RPRD1B: variants seen among roughly 807,000 people sequenced by gnomAD.
RPRD1B encodes regulation of nuclear pre-mRNA domain containing 1B.
Under a neutral mutation model 41.5 loss-of-function variants are expected in RPRD1B, and 11 were observed. The ratio of observed to expected loss-of-function variants is 0.27; its 90% CI spans 0.17 to 0.44. RPRD1B has a LOEUF of 0.44. Among genes scored for constraint, RPRD1B ranks in the 20% least tolerant of loss-of-function variants. The pLI, the probability that RPRD1B is intolerant of heterozygous loss-of-function variation, is 1.00. For synonymous variants in RPRD1B, 158 were observed against 155.6 expected (o/e 1.02, Z -0.12); for missense variants, 248 against 389.9 (o/e 0.64, Z 3.06).
At chr20:38,066,388 C>T in intron 6 of RPRD1B, 132 bp downstream of exon 6, 1 of 838,472 alleles carries the variant, frequency 1.2e-6, no homozygotes, top group Non-Finnish European at 1.8e-6. Context: ...TCTGAACATC[C>T]ATCAGATACT....
intron 6 of RPRD1B, among the ~76,000 whole-genome samples, chr20:38,082,683 G>A (rs1388423095): frequency 3.3e-5 from 5 of 152,160 alleles, no homozygotes; most frequent in Admixed American, 2.0e-4. Context: ...CACCACGCCC[G>A]GCCTGAACTT....
chr20:38,055,768 GCACAGCGAAGCAC>G (rs2074233903), intron 3 of RPRD1B, among the ~76,000 whole-genome samples: 1 of 152,206 alleles, frequency 6.6e-6, no homozygotes, highest in South Asian at 2.1e-4. Flanking sequence ...TAAGGAGACA[GCACAGCGAAGCAC>G]TTTGCTGTCT....
At chr20:38,069,093 T>C (rs2074386426) in intron 6 of RPRD1B, among the ~76,000 whole-genome samples, 1 of 152,210 alleles carries the variant, frequency 6.6e-6, no homozygotes, top group African/African-American at 2.4e-5. Context: ...AGCTCTAATA[T>C]ACTTAGGTTT....
intron 1 of RPRD1B, among the ~76,000 whole-genome samples, chr20:38,039,203 A>G (rs150684102): frequency 6.6e-6 from 1 of 152,314 alleles, no homozygotes; most frequent in East Asian, 1.9e-4. Flanking sequence ...TATAAATAAG[A>G]GAGAATTATG....
At chr20:38,072,233 T>C (rs1382054976) in intron 6 of RPRD1B, among the ~76,000 whole-genome samples, 1 of 152,232 alleles carries the variant, frequency 6.6e-6, no homozygotes, top group Non-Finnish European at 1.5e-5. Context: ...TTCTTTTGCC[T>C]GTAGATATCC....
intron 6 of RPRD1B, among the ~76,000 whole-genome samples, chr20:38,077,596 G>A (rs557175640): frequency 6.6e-6 from 1 of 152,234 alleles, no homozygotes; most frequent in Non-Finnish European, 1.5e-5. Context: ...CCATAGCTGA[G>A]TAGGTGCTAC....
chr20:38,079,757 G>A (rs2074496669), intron 6 of RPRD1B, among the ~76,000 whole-genome samples: 1 of 152,184 alleles, frequency 6.6e-6, no homozygotes, highest in African/African-American at 2.4e-5. Flanking sequence ...GGATTGCTGG[G>A]TTGAATGGTT....
intron 6 of RPRD1B, among the ~76,000 whole-genome samples, chr20:38,078,770 G>A (rs1414910018): frequency 6.6e-6 from 1 of 152,092 alleles, no homozygotes; most frequent in African/African-American, 2.4e-5. Context: ...TGGACTGACT[G>A]GACTATGGTA....
chr20:38,073,981 C>T (rs971241058), intron 6 of RPRD1B, among the ~76,000 whole-genome samples: 1 of 152,192 alleles, frequency 6.6e-6, no homozygotes, highest in African/African-American at 2.4e-5. Flanking sequence ...CCTCCCTAGG[C>T]TGGCAGCTCT....
At chr20:38,034,398 A>G (rs891651086) in intron 1 of RPRD1B, among the ~76,000 whole-genome samples, 5 of 152,106 alleles carry the variant, frequency 3.3e-5, no homozygotes, top group African/African-American at 1.2e-4. Flanking sequence ...GGCTGCATTC[A>G]CTGCCGTACT....
chr20:38,051,812 C>T lies in RPRD1B; in HGVS notation c.415+3331C>T, dbSNP rs568927827. Among the ~76,000 whole-genome samples, 171 of 152,196 alleles carry T rather than the reference C, an allele frequency of 1.1e-3. 1 individual carries two copies. The Middle Eastern group carries it at 0.017, about 15-fold the overall frequency. Reference sequence around the variant, plus strand: ...TGTCGCCCAGGCTGGAGTGCAATGGCGGGACCTCGGCTCACCGCAACCTCT... The same window carrying T: ...TGTCGCCCAGGCTGGAGTGCAATGGTGGGACCTCGGCTCACCGCAACCTCT... On this transcript the variant is annotated intron_variant, in intron 3 of 6. Coordinates refer to ENST00000373433, the MANE Select transcript of RPRD1B (RefSeq NM_021215.4).
chr20:38,035,526 C>T (rs2073993197), intron 1 of RPRD1B, among the ~76,000 whole-genome samples: 1 of 152,174 alleles, frequency 6.6e-6, no homozygotes. Context: ...CCAGTTCTAG[C>T]CCTTTAGCAG....
In RPRD1B at chr20:38,057,605, C is replaced by T; in HGVS notation, c.489C>T (p.Gly163=). The change falls in exon 4 of 7, where the codon GGC becomes GGT. Residue 163 remains glycine, a synonymous_variant. Transcript: ENST00000373433. ...AGGAGGAGGATGACGACTACCCTGG[C>T]AGCTACTCTCCTCAGGATCCTTCTG... is the stretch of plus-strand genomic sequence containing the variant. The part of the protein sequence containing the change: ...IQEEEDDDYP[G]SYSPQDPSAG... The T allele has an allele frequency of 6.2e-7, 1 of 1,614,092 alleles. No individual in the cohort carries two copies. The highest frequency in any genetic ancestry group is 8.5e-7 in the Non-Finnish European group (1 of 1,179,934).
At chr20:38,046,530 G>A (rs1416496468) in intron 2 of RPRD1B, among the ~76,000 whole-genome samples, 1 of 152,194 alleles carries the variant, frequency 6.6e-6, no homozygotes, top group African/African-American at 2.4e-5. Context: ...TGAATATACA[G>A]CATACCAGAA....
Position 38,090,063 on chromosome 20 carries a change from G to A in RPRD1B, c.*188G>A, listed in dbSNP as rs1311479905. The A allele has an allele frequency of 3.8e-5, 51 of 1,326,416 alleles. 1 individual carries two copies. The South Asian group carries it at 1.1e-3, about 28-fold the overall frequency. 82.2% of individuals were successfully genotyped at this position (1,326,416 alleles called of 1,614,324 possible). A position where few individuals can be genotyped will look rare whatever the true frequency, so the allele number is the denominator to read the frequency against. On this transcript the variant is annotated 3_prime_UTR_variant, in exon 7 of 7. Coordinates refer to ENST00000373433, the MANE Select transcript of RPRD1B (RefSeq NM_021215.4). ...CTTGAGCACAGTTCAGAACAGTGGCGACTGGAATCTGGTTTATATTCATAT... is the reference window on the plus strand; with the variant it reads ...CTTGAGCACAGTTCAGAACAGTGGCAACTGGAATCTGGTTTATATTCATAT...
chr20:38,082,229 A>G (rs796411044), intron 6 of RPRD1B, among the ~76,000 whole-genome samples: 36 of 152,052 alleles, frequency 2.4e-4, no homozygotes, highest in African/African-American at 6.0e-4. Flanking sequence ...TACTGATTCA[A>G]TTTTGGAACT....
intron 6 of RPRD1B, among the ~76,000 whole-genome samples, chr20:38,088,853 G>A (rs191543304): frequency 1.2e-4 from 18 of 152,318 alleles, no homozygotes; most frequent in Non-Finnish European, 1.3e-4. Flanking sequence ...TGCAGAGCAA[G>A]GATTTTCCTA....
At chr20:38,043,693 A>C (rs541764217) in intron 2 of RPRD1B, among the ~76,000 whole-genome samples, 1 of 152,302 alleles carries the variant, frequency 6.6e-6, no homozygotes, top group East Asian at 1.9e-4. Context: ...CCACCTCTCC[A>C]GTGTAAAACT....
At chr20:38,040,747 C>G (rs1437133378) in intron 2 of RPRD1B, among the ~76,000 whole-genome samples, 183 bp downstream of exon 2, 1 of 152,174 alleles carries the variant, frequency 6.6e-6, no homozygotes, top group African/African-American at 2.4e-5. Context: ...TGTAAACATT[C>G]TGATACATTT....
Sources: allele counts gnomAD v4.1 joint callset (sites outside exome capture counted in the v4.1 genomes callset), GRCh38; gene constraint gnomAD v4.1.1; transcripts MANE v1.5; gene names NCBI Gene and HGNC (gene_info 2026-07-23, HGNC 2026-07-21).